CELF2: variants seen among roughly 807,000 people sequenced by gnomAD.
CELF2 encodes the protein CUGBP Elav-like family member 2.
Under a neutral mutation model 62.6 loss-of-function variants are expected in CELF2, and 8 were observed. The observed-to-expected ratio is 0.13, with a 90% CI of 0.07 to 0.23. The LOEUF is 0.23. Ranked by LOEUF, CELF2 falls within the 10% of genes least tolerant of loss-of-function variation. The probability of loss-of-function intolerance (pLI) is 1.00; values close to 1 mark genes in which losing one functional copy is unlikely to be tolerated. For missense variants in CELF2, 333 were observed against 671.0 expected, an observed-to-expected ratio of 0.50 and a Z score of 5.56; for synonymous variants, 258 against 250.0, an observed-to-expected ratio of 1.03 and a Z score of -0.30.
intron 8 of CELF2, among the ~76,000 whole-genome samples, chr10:11,284,747 GGATA>G (rs2090582567): frequency 6.6e-6 from 1 of 150,990 alleles, no homozygotes; most frequent in Non-Finnish European, 1.5e-5. Context: ...GTGGGTGGAT[GGATA>G]GATAGTTGGG....
At chr10:10,601,436 G>C in the CELF2 span, among the ~76,000 whole-genome samples, 2 of 152,152 alleles carry the variant, frequency 1.3e-5, no homozygotes, top group Non-Finnish European at 2.9e-5. Flanking sequence ...AAGAACTTTT[G>C]ATAACTTAAA....
At chr10:11,138,536 G>A (rs1219282615) in intron 1 of CELF2, among the ~76,000 whole-genome samples, 2 of 152,188 alleles carry the variant, frequency 1.3e-5, no homozygotes, top group African/African-American at 4.8e-5. Flanking sequence ...ACACACACAG[G>A]ATCGGGATAC....
chr10:11,218,533 C>T lies in CELF2; in HGVS notation c.354+1026C>T, dbSNP rs1055442087. On this transcript the variant is annotated intron_variant, in intron 3 of 12. Coordinates refer to ENST00000633077, the MANE Select transcript of CELF2 (RefSeq NM_001326342.2). ...CCTAGACTCGTTCACAATACAAGATCGTAGTGGCAAAAAGCTCAGCAAAAG... is the reference window on the plus strand; with the variant it reads ...CCTAGACTCGTTCACAATACAAGATTGTAGTGGCAAAAAGCTCAGCAAAAG... 6.6e-5 allele frequency among the ~76,000 whole-genome samples: 10 copies of T among 152,182 alleles called. No individual in the cohort carries two copies. In the East Asian group the frequency reaches 9.6e-4, roughly 15 times the overall value.
At chr10:11,162,828 T>C (rs1054094019) in intron 1 of CELF2, among the ~76,000 whole-genome samples, 2 of 152,138 alleles carry the variant, frequency 1.3e-5, no homozygotes, top group African/African-American at 2.4e-5. Context: ...AGAGCCCTTA[T>C]TTTGTGCCAT....
the CELF2 span, among the ~76,000 whole-genome samples, chr10:10,558,526 G>C: frequency 1.3e-5 from 2 of 152,054 alleles, no homozygotes; most frequent in South Asian, 4.2e-4. Context: ...CCCGGCTTTG[G>C]TATCAGAATG....
At chr10:10,714,649 T>C in the CELF2 span, among the ~76,000 whole-genome samples, 1 of 152,152 alleles carries the variant, frequency 6.6e-6, no homozygotes, top group Non-Finnish European at 1.5e-5. Flanking sequence ...ATCTCAGGGC[T>C]AAGAGGGATG....
chr10:10,971,773 G>A (rs1471925699), intron 2 of CELF2, among the ~76,000 whole-genome samples: 1 of 152,078 alleles, frequency 6.6e-6, no homozygotes, highest in East Asian at 1.9e-4. Flanking sequence ...TTTTAGTAGA[G>A]ATGGAGTTTC....
intron 1 of CELF2, among the ~76,000 whole-genome samples, chr10:10,887,811 C>T (rs2061861748): frequency 6.7e-6 from 1 of 149,958 alleles, no homozygotes; most frequent in Admixed American, 6.6e-5. Flanking sequence ...CTCGCTCTGT[C>T]GCCAGGCTGG....
the CELF2 span, among the ~76,000 whole-genome samples, chr10:10,706,605 A>C: frequency 6.6e-6 from 1 of 152,190 alleles, no homozygotes; most frequent in Non-Finnish European, 1.5e-5. Context: ...GGTAGAATTC[A>C]TGAGGTTTCA....
the CELF2 span, among the ~76,000 whole-genome samples, chr10:10,631,705 T>G: frequency 6.6e-6 from 1 of 151,924 alleles, no homozygotes; most frequent in Admixed American, 6.6e-5. Flanking sequence ...CATTTGACTT[T>G]GAGCTCCTTG....
chr10:10,806,492 C>T (rs2055250039), intron 1 of CELF2, among the ~76,000 whole-genome samples: 1 of 152,182 alleles, frequency 6.6e-6, no homozygotes, highest in South Asian at 2.1e-4. Context: ...GCATGAGCCA[C>T]TGCACCCAGC....
chr10:11,061,034 AG>A (rs1188613803), intron 1 of CELF2, among the ~76,000 whole-genome samples: 1 of 152,222 alleles, frequency 6.6e-6, no homozygotes, highest in African/African-American at 2.4e-5. Flanking sequence ...GAAAGACTAA[AG>A]AATCAAAAGC....
At chr10:11,292,305 C>T (rs2092630472) in intron 9 of CELF2, among the ~76,000 whole-genome samples, 1 of 152,162 alleles carries the variant, frequency 6.6e-6, no homozygotes, top group Admixed American at 6.5e-5. Context: ...ATTCCCTGCT[C>T]GCCTCACATA....
At chr10:10,857,649 G>GTTTATTTATATATATATA (rs1554855649) in intron 1 of CELF2, among the ~76,000 whole-genome samples, 5 of 94,258 alleles carry the variant, frequency 5.3e-5, no homozygotes, top group African/African-American at 2.3e-4. Flanking sequence ...CATATATATA[G>GTTTATTTATATATATATA]TATATATATA....
intron 7 of CELF2, among the ~76,000 whole-genome samples, chr10:11,273,229 C>G (rs1195369800): frequency 6.6e-6 from 1 of 151,958 alleles, no homozygotes; most frequent in African/African-American, 2.4e-5. Flanking sequence ...GGCTGGGTAC[C>G]AGTACCGGTC....
chr10:10,856,357 T>C (rs1591239433), intron 1 of CELF2, among the ~76,000 whole-genome samples: 1 of 152,176 alleles, frequency 6.6e-6, no homozygotes, highest in Admixed American at 6.5e-5. Context: ...TCCCATGTAA[T>C]ATTTTAAAAA....
At chr10:11,062,796 A>G (rs1174213164) in intron 1 of CELF2, among the ~76,000 whole-genome samples, 1 of 152,162 alleles carries the variant, frequency 6.6e-6, no homozygotes, top group Non-Finnish European at 1.5e-5. Context: ...GTGAGGATTG[A>G]CTCCAATTTT....
chr10:10,944,152 A>T (rs2047382563), intron 2 of CELF2: 1 of 152,638 alleles, frequency 6.6e-6, no homozygotes, highest in African/African-American at 2.4e-5. Flanking sequence ...ACCCCACCAC[A>T]AAAACTTTAC....
rs77332367 is a variant in CELF2, at chr10:11,220,922, G to A, written c.354+3415G>A. Among the ~76,000 whole-genome samples, 9,010 of 152,272 alleles carry A rather than the reference G, an allele frequency of 0.059. 365 individuals carry two copies. Among genetic ancestry groups the A allele is most frequent in the African/African-American group, 0.11 (4,753 of 41,522 alleles). On this transcript the variant is annotated intron_variant, in intron 3 of 12. Transcript: ENST00000633077. This position sits in a 1 kb window ranked among gnomAD's most constrained non-coding sequence, Gnocchi z 4.4. ...GTATTGGCAGGAAGTAGCAGGGATC[G>A]AGCCCAAGGGGGCCTCTAGCTAATC...
Sources: allele counts gnomAD v4.1 joint callset (sites outside exome capture counted in the v4.1 genomes callset), GRCh38; gene constraint gnomAD v4.1.1; non-coding constraint Gnocchi (gnomAD v3.1); transcripts MANE v1.5; gene names NCBI Gene and HGNC (gene_info 2026-07-23, HGNC 2026-07-21).